PLBD1: variants seen among roughly 807,000 people sequenced by gnomAD.
PLBD1 encodes the protein phospholipase B domain containing 1.
A neutral mutation model predicts 63.0 loss-of-function variants in PLBD1; 60 were observed. That is an observed-to-expected ratio of 0.95 (90% confidence interval 0.77 to 1.18). The LOEUF is 1.18. Among genes scored for constraint, PLBD1 ranks in the 50% most tolerant of loss-of-function variants. The pLI is 0.00. For missense variants in PLBD1, 598 were observed against 677.9 expected (o/e 0.88, Z 1.31); for synonymous variants, 262 against 248.0 (o/e 1.06, Z -0.53).
chr12:14,553,128 C>T, intron 2 of PLBD1, 65 bp downstream of exon 2: 1 of 1,349,838 alleles, frequency 7.4e-7, no homozygotes, highest in African/African-American at 1.4e-5. Context: ...AGATGAGAGT[C>T]ACTGTGGAAC....
In PLBD1 at chr12:14,567,620, G is replaced by C. The variant is rs1141509; in HGVS notation, c.77C>G (p.Pro26Arg). 2.7e-6 allele frequency: 4 copies of C among 1,478,720 alleles called. No homozygotes were observed. The highest frequency in any genetic ancestry group is 3.6e-6 in the Non-Finnish European group (4 of 1,119,200). 91.6% of individuals were successfully genotyped at this position (1,478,720 alleles called of 1,614,324 possible). Residue 26 changes from proline to arginine, a missense_variant, in exon 1 of 11, where the codon CCG (proline) becomes CGG (arginine). Physicochemically the swap from Pro to Arg is moderately radical, Grantham distance 103 (BLOSUM62 -2). Coordinates refer to ENST00000240617, the MANE Select transcript of PLBD1 (RefSeq NM_024829.6). ...CGGCTCCGCGGTGACTAACAACAGC[G>C]GCAGCAGCAGCAGCAGCAGCAGAAG... ...PPLLLLLLLL[P>R]LLLVTAEPPK... is the part of the protein sequence containing the mutation.
intron 4 of PLBD1, among the ~76,000 whole-genome samples, chr12:14,539,654 C>A (rs114349987): frequency 0.014 from 2,112 of 151,316 alleles, 48 homozygotes; most frequent in African/African-American, 0.047. Context: ...GGTGTGGTGG[C>A]TCAAGTTTGT....
At chr12:14,552,676 G>C (rs927296707) in intron 2 of PLBD1, among the ~76,000 whole-genome samples, 2 of 152,164 alleles carry the variant, frequency 1.3e-5, no homozygotes, top group African/African-American at 4.8e-5. Context: ...AAAGATGGGA[G>C]GATGGCTTGA....
intron 1 of PLBD1, among the ~76,000 whole-genome samples, chr12:14,564,872 C>G (rs2136937185): frequency 1.3e-5 from 2 of 152,310 alleles, no homozygotes; most frequent in Middle Eastern, 3.4e-3. Flanking sequence ...ATAGGTCTGC[C>G]AAATCACCTT....
intron 6 of PLBD1, among the ~76,000 whole-genome samples, chr12:14,516,599 G>GAT (rs1945338561): frequency 6.6e-6 from 1 of 152,116 alleles, no homozygotes; most frequent in African/African-American, 2.4e-5. Context: ...TGGGGGAGGT[G>GAT]ATAGCATACC....
chr12:14,506,989 C>A lies in PLBD1; in HGVS notation c.1316G>T (p.Arg439Leu), dbSNP rs759241417. 1 of 1,614,028 alleles carries A rather than the reference C, an allele frequency of 6.2e-7. No individual in the cohort carries two copies. The highest frequency in any genetic ancestry group is 2.2e-5 in the East Asian group (1 of 44,864). The change falls in exon 9 of 11, where the codon CGT (arginine) becomes CTT (leucine). Residue 439 changes from arginine to leucine, a missense_variant. Physicochemically the swap from Arg to Leu is moderately radical, Grantham distance 102. Coordinates refer to ENST00000240617, the MANE Select transcript of PLBD1 (RefSeq NM_024829.6). ...CGTATCAGTCACTTTCCCTTGGTCA[C>A]GCCGGAAAATTTTGGCTCGTGGAGC... ...DLAPRAKIFR[R>L]DQGKVTDTAS...
intron 10 of PLBD1, among the ~76,000 whole-genome samples, chr12:14,505,490 GA>G (rs1236551815): frequency 3.3e-5 from 5 of 152,070 alleles, no homozygotes; most frequent in Admixed American, 6.6e-5. Flanking sequence ...TCTTTGTGAG[GA>G]AAAAAGTTCC....
At chr12:14,556,724 G>A (rs116374920) in intron 1 of PLBD1, among the ~76,000 whole-genome samples, 1,590 of 149,718 alleles carry the variant, frequency 0.011, 38 homozygotes, top group African/African-American at 0.036. Flanking sequence ...GTGGTTCACC[G>A]CTGTAATTCC....
intron 8 of PLBD1, 146 bp downstream of exon 8, chr12:14,511,114 G>T: frequency 1.2e-6 from 1 of 816,318 alleles, no homozygotes; most frequent in Non-Finnish European, 1.9e-6. Context: ...GCTAAACCTG[G>T]TCATTCTGGT....
Position 14,511,699 on chromosome 12 carries a change from G to C in PLBD1, c.857C>G (p.Ser286Cys), listed in dbSNP as rs761954357. Residue 286 changes from serine to cysteine, a missense_variant, in exon 7 of 11, where the codon TCT (serine) becomes TGT (cysteine). Physicochemically the swap from Ser to Cys is moderately radical, Grantham distance 112 (BLOSUM62 -1). Transcript: ENST00000240617. ...SFSSYPGFLE[S>C]LDDFYILSSG... Reference sequence around the variant, plus strand: ...GCTAAGAATGTAAAAATCATCCAGAGACTCCAAAAACCCTACAGGAAAGAC... The same window carrying C: ...GCTAAGAATGTAAAAATCATCCAGACACTCCAAAAACCCTACAGGAAAGAC... 173 of 1,613,884 alleles carry C rather than the reference G, an allele frequency of 1.1e-4. 1 individual carries two copies. The highest frequency in any genetic ancestry group is 1.3e-4 in the Non-Finnish European group (150 of 1,179,948).
rs1565577674 is a variant in PLBD1, at chr12:14,540,110, T to TATATATATATATATA, written c.558+653_558+654insTATATATATATATAT. Among the ~76,000 whole-genome samples the TATATATATATATATA allele has an allele frequency of 2.0e-3, 180 of 91,780 alleles. 14 individuals are homozygous for TATATATATATATATA. Among genetic ancestry groups the TATATATATATATATA allele is most frequent in the Non-Finnish European group, 2.8e-3 (141 of 50,174 alleles). 60.2% of individuals were successfully genotyped at this position (91,780 alleles called of 152,430 possible). The stretch of plus-strand genomic sequence containing the variant: ...GAGAGTTATATAATATAAATATTAT[T>TATATATATATATATA]TATATATATATATATATATATACTG... On this transcript the variant is annotated intron_variant, in intron 4 of 10. Transcript: ENST00000240617.
intron 5 of PLBD1, 121 bp from the exon 6 acceptor site, chr12:14,535,924 T>C: frequency 9.9e-7 from 1 of 1,009,614 alleles, no homozygotes; most frequent in Non-Finnish European, 1.4e-6. Context: ...GCTATACTGA[T>C]TATTGGAAAA....
intron 6 of PLBD1, among the ~76,000 whole-genome samples, chr12:14,514,941 G>A (rs1591995227): frequency 6.6e-6 from 1 of 152,126 alleles, no homozygotes; most frequent in East Asian, 1.9e-4. Context: ...AGGAGAAAAT[G>A]AAACACTCCA....
chr12:14,522,391 C>G (rs566811615), intron 6 of PLBD1, among the ~76,000 whole-genome samples: 2 of 152,130 alleles, frequency 1.3e-5, no homozygotes, highest in South Asian at 2.1e-4. Flanking sequence ...AAAAGAAAAG[C>G]CGAAGACCCA....
intron 2 of PLBD1, among the ~76,000 whole-genome samples, chr12:14,543,873 C>T (rs568694456): frequency 2.6e-4 from 40 of 152,186 alleles, no homozygotes; most frequent in African/African-American, 8.7e-4. Flanking sequence ...GTTTAATAGA[C>T]GTCTTTGGGT....
At chr12:14,566,996 G>A (rs949840356) in intron 1 of PLBD1, among the ~76,000 whole-genome samples, 16 of 152,074 alleles carry the variant, frequency 1.1e-4, no homozygotes, top group African/African-American at 3.9e-4. Context: ...TTGGGAAGCT[G>A]AGGGAGGAGA....
intron 6 of PLBD1, among the ~76,000 whole-genome samples, chr12:14,521,227 C>T (rs548239545): frequency 8.6e-4 from 131 of 152,188 alleles, no homozygotes; most frequent in Middle Eastern, 3.4e-3. Flanking sequence ...GTGAAACAGC[C>T]ATAACCTTGG....
intron 8 of PLBD1, among the ~76,000 whole-genome samples, chr12:14,508,635 G>C (rs1945272771): frequency 6.6e-6 from 1 of 151,948 alleles, no homozygotes. Context: ...CCAGGCATTG[G>C]GGTGCACACC....
chr12:14,507,035 A>G lies in PLBD1; in HGVS notation c.1270T>C (p.Leu424=). ...GYPLLVQKLG[L]DYSYDLAPRA... The stretch of plus-strand genomic sequence containing the variant: ...GGAGCTAAATCATAAGAGTAGTCCA[A>G]GCCCAGCTTCTGAACTAACAGTGGA... The change falls in exon 9 of 11, where the codon TTG becomes CTG. Residue 424 remains leucine (L), a synonymous_variant. Transcript: ENST00000240617. 1.2e-6 allele frequency: 2 copies of G among 1,614,088 alleles called. No homozygotes were observed. Among genetic ancestry groups the G allele is most frequent in the Non-Finnish European group, 1.7e-6 (2 of 1,179,938 alleles).
Sources: gnomAD v4.1 joint callset for allele counts (sites outside exome capture counted in the v4.1 genomes callset) on GRCh38, gnomAD v4.1.1 for gene constraint, MANE v1.5 for transcripts, NCBI Gene and HGNC (gene_info 2026-07-23, HGNC 2026-07-21) for gene names.